The following EML2 variants were observed in gnomAD, a reference collection of about 807,000 sequenced individuals.
EML2 encodes echinoderm microtubule-associated protein-like 2.
A neutral mutation model predicts 84.7 loss-of-function variants in EML2; 59 were observed. That is an observed-to-expected ratio of 0.70 (90% CI 0.56 to 0.86). EML2 has a LOEUF of 0.86. Ranked by LOEUF, EML2 falls within the 40% of genes least tolerant of loss-of-function variation. EML2 has a pLI of 0.00. For synonymous variants in EML2, 352 were observed against 348.9 expected, an observed-to-expected ratio of 1.01 and a Z score of -0.10; for missense variants, 818 against 855.6, an observed-to-expected ratio of 0.96 and a Z score of 0.55.
upstream of EML2, chr19:45,642,648 C>CTGGGTTTAAGTG: frequency 1.4e-6 from 1 of 699,594 alleles, no homozygotes; most frequent in Non-Finnish European, 1.9e-6. Flanking sequence ...AGGAGCCTCT[C>CTGGGTTTAAGTG]GCTCTGGCTT....
At chr19:45,633,991 C>T (rs1568478369) in intron 4 of EML2, among the ~76,000 whole-genome samples, 1 of 152,190 alleles carries the variant, frequency 6.6e-6, no homozygotes, top group Non-Finnish European at 1.5e-5. Flanking sequence ...TGCTCTTTCA[C>T]CCAGGCTGGA....
Position 45,629,957 on chromosome 19 carries a change from A to G in EML2, c.600T>C (p.Asp200=). 2 of 1,613,174 alleles carry G rather than the reference A, an allele frequency of 1.2e-6. No individual in the cohort carries two copies. Among genetic ancestry groups the G allele is most frequent in the Non-Finnish European group, 1.7e-6 (2 of 1,179,342 alleles). Residue 200 remains aspartate (D), a synonymous_variant, in exon 7 of 19, where the codon GAT becomes GAC. Transcript: ENST00000245925. The part of the protein sequence containing the change: ...WDWAKETKVV[D]VKCSNEAVLV... ...ATGAGAAAAGTCACCTCACCTTGAC[A>G]TCCACCACCTTGGTCTCCTTGGCCC...
chr19:45,643,627 G>A (rs1364049181), upstream of EML2: 1 of 1,536,148 alleles, frequency 6.5e-7, no homozygotes, highest in Admixed American at 2.0e-5. Context: ...TCCCAGCCTG[G>A]TGGAAGTAAA....
intron 3 of EML2, among the ~76,000 whole-genome samples, chr19:45,634,693 C>G (rs1006598084): frequency 5.9e-5 from 9 of 152,082 alleles, no homozygotes; most frequent in African/African-American, 1.4e-4. Flanking sequence ...TCCTGAGTAG[C>G]TGGGACTACA....
upstream of EML2, chr19:45,642,163 G>A (rs900610742): frequency 2.6e-6 from 4 of 1,520,010 alleles, no homozygotes; most frequent in East Asian, 4.9e-5. Flanking sequence ...GCGCGGAGGC[G>A]CCCGGCCCTT....
In EML2 at chr19:45,619,167, G is replaced by C; in HGVS notation, c.1147C>G (p.Leu383Val). The change falls in exon 12 of 19, where the codon CTG becomes GTG. Residue 383 changes from leucine to valine, a missense_variant. By Grantham distance (32) the Leu-to-Val change is conservative. Coordinates refer to ENST00000245925, the MANE Select transcript of EML2 (RefSeq NM_012155.4). Reference protein sequence around the residue: ...VQGHVEELWGLATHPSRAQFV... With the variant: ...VQGHVEELWGVATHPSRAQFV... ...TGGGCCCGACTGGGGTGTGTGGCCA[G>C]GCCCCACAGCTCTTCCACATGGCCC... is the stretch of plus-strand genomic sequence containing the variant. 1.2e-5 allele frequency: 19 copies of C among 1,611,678 alleles called. No individual in the cohort carries two copies. The highest frequency in any genetic ancestry group is 1.4e-5 in the Non-Finnish European group (17 of 1,179,530).
chr19:45,636,031 T>C (rs962452640), intron 3 of EML2, among the ~76,000 whole-genome samples: 2 of 152,176 alleles, frequency 1.3e-5, no homozygotes, highest in Non-Finnish European at 2.9e-5. Flanking sequence ...CAAGTGTCCT[T>C]ATAAATGACA....
At position 45,616,537 on chromosome 19, in the gene EML2, C is replaced by G; in HGVS notation, c.1433G>C (p.Gly478Ala). ...CACGTACACCAAGTTGTCGTGGGAG[C>G]CCACGGCCAGGTACGCCCCGTCTGG... Reference protein sequence around the residue: ...FSPDGAYLAVGSHDNLVYVYT... With the variant: ...FSPDGAYLAVASHDNLVYVYT... Residue 478 changes from glycine to alanine, a missense_variant, in exon 15 of 19, where the codon GGC becomes GCC. Transcript: ENST00000245925. The G allele has an allele frequency of 6.2e-7, 1 of 1,610,918 alleles. No homozygotes were observed. Among genetic ancestry groups the G allele is most frequent in the Admixed American group, 1.7e-5 (1 of 59,902 alleles).
rs59501832 is a variant in EML2, at chr19:45,632,192, C to CT, written c.510+668dup. Among the ~76,000 whole-genome samples, 544 of 132,756 alleles carry CT rather than the reference C, an allele frequency of 4.1e-3. 3 individuals carry two copies. Among genetic ancestry groups the CT allele is most frequent in the Middle Eastern group, 0.015 (3 of 200 alleles). 87.1% of individuals were successfully genotyped at this position (132,756 alleles called of 152,430 possible). On this transcript the variant is annotated intron_variant, in intron 6 of 18. Transcript: ENST00000245925. ...ACAGGCGTGAGCCACTGCACCTGGC[C>CT]TTTTTTTTTTTTTGAGTACGAGTCT...
At chr19:45,642,543 C>G, upstream of EML2, 3 of 1,404,974 alleles carry the variant, frequency 2.1e-6, no homozygotes, top group Non-Finnish European at 1.8e-6. Flanking sequence ...CCACAGCTCT[C>G]CAACCCATCC....
intron 12 of EML2, 111 bp from the exon 13 acceptor site, chr19:45,617,808 C>T (rs1007401610): frequency 1.4e-4 from 123 of 867,942 alleles, no homozygotes; most frequent in Non-Finnish European, 2.0e-4. Flanking sequence ...TCTCCCCTCC[C>T]TCTGCTGCCC....
upstream of EML2, chr19:45,639,505 G>C (rs528152943): frequency 2.1e-6 from 2 of 951,792 alleles, no homozygotes; most frequent in African/African-American, 3.4e-5. Flanking sequence ...GAGCCGGAGG[G>C]TCCCACCGGG....
rs772097320 is a variant in EML2 at position 45,634,419 on chromosome 19, C to T, written c.232G>A (p.Gly78Arg). The T allele has an allele frequency of 6.8e-6, 11 of 1,613,850 alleles. No individual in the cohort carries two copies. The highest frequency in any genetic ancestry group is 1.6e-4 in the Middle Eastern group (1 of 6,084). Residue 78 changes from glycine to arginine, a missense_variant, in exon 4 of 19, where the codon GGG becomes AGG. Coordinates refer to ENST00000245925, the MANE Select transcript of EML2 (RefSeq NM_012155.4). Reference sequence around the variant, plus strand: ...GAGGCCACAAAGTACACTATCTCCCCGGTGGGCAGCAAATAAAGGTTGGCC... The same window carrying T: ...GAGGCCACAAAGTACACTATCTCCCTGGTGGGCAGCAAATAAAGGTTGGCC... ...CRANLYLLPT[G>R]EIVYFVASVA...
At chr19:45,621,703 C>A in intron 9 of EML2, 66 bp from the exon 10 acceptor site, 1 of 1,493,072 alleles carries the variant, frequency 6.7e-7, no homozygotes, top group Non-Finnish European at 9.0e-7. Context: ...CTGAAAGCAT[C>A]TTGAACTCTC....
rs376590976 is a variant in EML2, at chr19:45,638,488, T to C, written c.179+17A>G. ...TGGGGGGATGGGAGCACCAAGGAGA[T>C]TCCAGCAAAAGGATACACCCACTCC... On this transcript the variant is annotated intron_variant, in intron 3 of 18. Transcript: ENST00000245925. 34 of 1,613,684 alleles carry C rather than the reference T, an allele frequency of 2.1e-5. No homozygotes were observed. The highest frequency in any genetic ancestry group is 1.7e-4 in the Middle Eastern group (1 of 6,042).
At position 45,613,627 on chromosome 19, in the gene EML2, C is replaced by G; in HGVS notation, c.1738G>C (p.Ala580Pro). The G allele has an allele frequency of 6.2e-7, 1 of 1,614,088 alleles. No homozygotes were observed. Among genetic ancestry groups the G allele is most frequent in the Non-Finnish European group, 8.5e-7 (1 of 1,180,004 alleles). Residue 580 changes from alanine (A) to proline (P), a missense_variant, in exon 18 of 19, where the codon GCC becomes CCC. Ala to Pro is a conservative substitution (Grantham distance 27, BLOSUM62 -1). Coordinates refer to ENST00000245925, the MANE Select transcript of EML2 (RefSeq NM_012155.4). ...GADGTDINAV[A>P]RSHDGKLLAS... ...AGCAACTTCCCATCATGAGAGCGGG[C>G]CACAGCGTTGATATCAGTGCCGTCC... is the stretch of plus-strand genomic sequence containing the variant.
chr19:45,622,161 A>C (rs1003778107), intron 9 of EML2, among the ~76,000 whole-genome samples: 2 of 151,830 alleles, frequency 1.3e-5, no homozygotes, highest in African/African-American at 4.8e-5. Context: ...ACTAACATCT[A>C]CCCATCCACC....
At chr19:45,634,230 G>C in intron 4 of EML2, 92 bp downstream of exon 4, 1 of 1,556,952 alleles carries the variant, frequency 6.4e-7, no homozygotes, top group African/African-American at 1.4e-5. Flanking sequence ...AACCCCACAG[G>C]GTAGCAATGT....
chr19:45,610,009 A>T (rs758671956), intron 18 of EML2, among the ~76,000 whole-genome samples: 7 of 151,916 alleles, frequency 4.6e-5, no homozygotes, highest in Non-Finnish European at 2.9e-5. Context: ...AGTAGCTGGG[A>T]TCACAGATAT....
Sources: gnomAD v4.1 joint callset for allele counts (sites outside exome capture counted in the v4.1 genomes callset) on GRCh38, gnomAD v4.1.1 for gene constraint, MANE v1.5 for transcripts, NCBI Gene and HGNC (gene_info 2026-07-23, HGNC 2026-07-21) for gene names.